The following GUCY1A2 variants were observed in gnomAD, a reference collection of about 807,000 sequenced individuals.
GUCY1A2 encodes guanylate cyclase soluble subunit alpha-2.
GUCY1A2 carries 27 observed loss-of-function variants against 63.5 expected under a neutral mutation model. The observed-to-expected ratio is 0.43, with a 90% CI of 0.31 to 0.59. The LOEUF is 0.59. Ranked by LOEUF, GUCY1A2 falls within the 20% of genes least tolerant of loss-of-function variation. The pLI is 0.11. For synonymous variants in GUCY1A2, 364 were observed against 343.5 expected (o/e 1.06, Z -0.66); for missense variants, 768 against 913.3 (o/e 0.84, Z 2.05).
Position 106,678,389 on chromosome 11 carries a change from T to C in GUCY1A2, c.*9160A>G, listed in dbSNP as rs1862380650. ...TAGCTGTTTTCATATTTTGCTTCAT[T>C]TTATGGAAGTTTTAATTTAAAAGGC... is the stretch of plus-strand genomic sequence containing the variant. On this transcript the variant is annotated 3_prime_UTR_variant, in exon 8 of 8. Coordinates refer to ENST00000526355, the MANE Select transcript of GUCY1A2 (RefSeq NM_000855.3). 4.7e-6 allele frequency: 1 copy of C among 210,690 alleles called. No individual in the cohort carries two copies. The highest frequency in any genetic ancestry group is 9.6e-6 in the Non-Finnish European group (1 of 103,794). 13.1% of individuals were successfully genotyped at this position (210,690 alleles called of 1,614,324 possible).
intron 4 of GUCY1A2, among the ~76,000 whole-genome samples, chr11:106,929,230 C>A (rs777242055): frequency 6.6e-6 from 1 of 152,142 alleles, no homozygotes; most frequent in Non-Finnish European, 1.5e-5. Flanking sequence ...AGCACTCTTA[C>A]AAGTATAAAA....
chr11:106,940,310 T>C, intron 3 of GUCY1A2, 132 bp from the exon 4 acceptor site: 2 of 552,814 alleles, frequency 3.6e-6, no homozygotes, highest in South Asian at 2.8e-5. Flanking sequence ...ATCCACAAAT[T>C]TCCACATAGG....
chr11:106,954,446 G>GT (rs1396009928), intron 3 of GUCY1A2, among the ~76,000 whole-genome samples: 1 of 152,146 alleles, frequency 6.6e-6, no homozygotes, highest in African/African-American at 2.4e-5. Context: ...CAATTTCAGG[G>GT]TAAGTGCCAT....
chr11:107,003,700 A>G (rs1486008357), intron 1 of GUCY1A2, among the ~76,000 whole-genome samples: 1 of 152,194 alleles, frequency 6.6e-6, no homozygotes, highest in Non-Finnish European at 1.5e-5. Flanking sequence ...CAAAGCTATC[A>G]TTATATTTCT....
chr11:106,970,555 A>G (rs1312362246), intron 3 of GUCY1A2, among the ~76,000 whole-genome samples: 1 of 152,188 alleles, frequency 6.6e-6, no homozygotes, highest in African/African-American at 2.4e-5. Context: ...ATGTATTAGA[A>G]TGGCTAAAAT....
intron 4 of GUCY1A2, among the ~76,000 whole-genome samples, chr11:106,881,513 A>G (rs1859823141): frequency 6.6e-6 from 1 of 152,060 alleles, no homozygotes; most frequent in Non-Finnish European, 1.5e-5. Flanking sequence ...TTAAAAATTT[A>G]TTACATATGA....
In GUCY1A2 at chr11:106,938,992, A is replaced by G. The variant is rs1305565388; in HGVS notation, c.1206+468T>C. Among the ~76,000 whole-genome samples the G allele has an allele frequency of 2.0e-5, 3 of 152,230 alleles. No homozygotes were observed. In the East Asian group the frequency reaches 5.8e-4, roughly 29 times the overall value. On this transcript the variant is annotated intron_variant, in intron 4 of 7. Coordinates refer to ENST00000526355, the MANE Select transcript of GUCY1A2 (RefSeq NM_000855.3). ...GGGGAATACATTATTCTGCATATTAAGACAAAAATAGGATGTAAACCAGAT... is the reference window on the plus strand; with the variant it reads ...GGGGAATACATTATTCTGCATATTAGGACAAAAATAGGATGTAAACCAGAT...
At chr11:106,968,085 A>T (rs1159124403) in intron 3 of GUCY1A2, among the ~76,000 whole-genome samples, 1 of 152,228 alleles carries the variant, frequency 6.6e-6, no homozygotes, top group Non-Finnish European at 1.5e-5. Flanking sequence ...AATTGACTAC[A>T]GTTTCTTAAG....
intron 4 of GUCY1A2, among the ~76,000 whole-genome samples, chr11:106,854,472 G>A (rs1190376384): frequency 6.6e-6 from 1 of 152,110 alleles, no homozygotes. Context: ...TCAGTCTTCT[G>A]GCTAGTGGAC....
chr11:106,861,140 A>G (rs575058958), intron 4 of GUCY1A2, among the ~76,000 whole-genome samples: 5 of 152,046 alleles, frequency 3.3e-5, no homozygotes, highest in South Asian at 4.1e-4. Flanking sequence ...GGTCTAGATA[A>G]ACCCAGTCTC....
At chr11:106,899,819 TCACG>T (rs1297126399) in intron 4 of GUCY1A2, among the ~76,000 whole-genome samples, 1 of 152,074 alleles carries the variant, frequency 6.6e-6, no homozygotes, top group Non-Finnish European at 1.5e-5. Flanking sequence ...GCACGGTGGC[TCACG>T]CCTGTAATCC....
rs141078370 is a variant in GUCY1A2 at position 106,746,289 on chromosome 11, C to T, written c.1836+30150G>A. 1.3e-3 allele frequency among the ~76,000 whole-genome samples: 198 copies of T among 152,148 alleles called. 1 individual carries two copies. The highest frequency in any genetic ancestry group is 6.8e-3 in the Middle Eastern group (2 of 294). ...GGGCAAGTGTCTTCATTTTTCTTGG[C>T]CTGTTTTATTTGTAGAGTGAAGAAT... On this transcript the variant is annotated intron_variant, in intron 6 of 7. Coordinates refer to ENST00000526355, the MANE Select transcript of GUCY1A2 (RefSeq NM_000855.3).
intron 4 of GUCY1A2, among the ~76,000 whole-genome samples, chr11:106,838,193 T>C (rs945111183): frequency 3.3e-5 from 5 of 151,948 alleles, no homozygotes; most frequent in African/African-American, 1.2e-4. Flanking sequence ...GCACAAGACT[T>C]TCTTTTGGTG....
intron 4 of GUCY1A2, among the ~76,000 whole-genome samples, chr11:106,847,243 T>C (rs58964591): frequency 1.0e-5 from 1 of 100,208 alleles, no homozygotes; most frequent in South Asian, 3.3e-4. Context: ...AAAAAAAAAA[T>C]ATATATATAT....
intron 6 of GUCY1A2, among the ~76,000 whole-genome samples, chr11:106,739,071 A>C (rs1863642423): frequency 6.6e-6 from 1 of 152,038 alleles, no homozygotes; most frequent in Non-Finnish European, 1.5e-5. Context: ...ATTTCCTTGA[A>C]CGGTGATTTG....
In GUCY1A2 at chr11:106,686,929, T is replaced by A. The variant is rs1862536043; in HGVS notation, c.*620A>T. On this transcript the variant is annotated 3_prime_UTR_variant, in exon 8 of 8. Coordinates refer to ENST00000526355, the MANE Select transcript of GUCY1A2 (RefSeq NM_000855.3). ...ACTATATTAGATTAATAGGTTAGCA[T>A]TATATATAATATACTAACAATACAG... The A allele has an allele frequency of 5.0e-6, 1 of 198,360 alleles. No homozygotes were observed. The highest frequency in any genetic ancestry group is 1.0e-5 in the Non-Finnish European group (1 of 95,980). 12.3% of individuals were successfully genotyped at this position (198,360 alleles called of 1,614,324 possible). A position where few individuals can be genotyped will look rare whatever the true frequency, so the allele number is the denominator to read the frequency against.
chr11:106,885,398 T>C (rs566258659), intron 4 of GUCY1A2, among the ~76,000 whole-genome samples: 3 of 152,276 alleles, frequency 2.0e-5, no homozygotes, highest in Non-Finnish European at 4.4e-5. Context: ...GAAAACAGCA[T>C]GGGACGCTCT....
intron 4 of GUCY1A2, among the ~76,000 whole-genome samples, chr11:106,886,040 C>T (rs1166322474): frequency 6.6e-6 from 1 of 152,094 alleles, no homozygotes; most frequent in African/African-American, 2.4e-5. Flanking sequence ...GTGTATCTGG[C>T]ATACACAGTT....
intron 5 of GUCY1A2, among the ~76,000 whole-genome samples, chr11:106,790,927 T>G (rs1864647927): frequency 6.6e-6 from 1 of 152,206 alleles, no homozygotes; most frequent in Non-Finnish European, 1.5e-5. Flanking sequence ...CTTTTGGAGA[T>G]GTAAGTTGCA....
Sources: gnomAD v4.1 joint callset for allele counts (sites outside exome capture counted in the v4.1 genomes callset) on GRCh38, gnomAD v4.1.1 for gene constraint, MANE v1.5 for transcripts, NCBI Gene and HGNC (gene_info 2026-07-23, HGNC 2026-07-21) for gene names.